Variants in ANGPTL7 observed in about 807,000 individuals in gnomAD.
The protein encoded by ANGPTL7 is angiopoietin-related protein 7.
A neutral mutation model predicts 38.8 loss-of-function variants in ANGPTL7; 37 were observed. That is an observed-to-expected ratio of 0.95 (90% CI 0.73 to 1.25). The LOEUF (loss-of-function observed/expected upper bound fraction) is 1.25, where lower values mean the gene tolerates loss of function less well. ANGPTL7 is among the 50% of genes most tolerant of loss of function. The pLI, the probability that ANGPTL7 is intolerant of heterozygous loss-of-function variation, is 0.00. For synonymous variants in ANGPTL7, 166 were observed against 163.2 expected (o/e 1.02, Z -0.13); for missense variants, 427 against 438.6 (o/e 0.97, Z 0.24).
chr1:11,193,894 T>C, intron 3 of ANGPTL7, 120 bp downstream of exon 3: 1 of 1,088,148 alleles, frequency 9.2e-7, no homozygotes, highest in East Asian at 2.6e-5. Flanking sequence ...ATTGTGATGG[T>C]TTTCCTGCAA....
At position 11,194,468 on chromosome 1, in the gene ANGPTL7, AG is replaced by A; in HGVS notation, c.683del (p.Gly228AlafsTer110). 2 of 1,613,896 alleles carry A rather than the reference AG, an allele frequency of 1.2e-6. No individual in the cohort carries two copies. Among genetic ancestry groups the A allele is most frequent in the Non-Finnish European group, 1.7e-6 (2 of 1,179,994 alleles). ...TRLRVEMEDWEGNLRYAEYSH... is the reference protein window; with the variant it reads ...TRLRVEMEDWXGNLRYAEYSH... ...CTCTGCTCCTCCTGACAGGACTGGG[AG>A]GGCAACCTGCGCTACGCTGAGTATA... On this transcript the variant is annotated frameshift_variant, in exon 4 of 5. Coordinates refer to ENST00000376819, the MANE Select transcript of ANGPTL7 (RefSeq NM_021146.4). LOFTEE classifies it high-confidence loss of function.
At position 11,189,878 on chromosome 1, in the gene ANGPTL7, G is replaced by A. The variant is rs143359087; in HGVS notation, c.299G>A (p.Ser100Asn). Residue 100 changes from serine to asparagine, a missense_variant, in exon 1 of 5, where the codon AGC becomes AAC. By Grantham distance (46) the Ser-to-Asn change is conservative. Transcript: ENST00000376819. ...GAGTCGCGGCTCACAGATGCTGAGA[G>A]CAAGTACTCCGAGATGAACAACCAA... ...RMESRLTDAE[S>N]KYSEMNNQID... 1.2e-6 allele frequency: 2 copies of A among 1,614,194 alleles called. No homozygotes were observed. The highest frequency in any genetic ancestry group is 1.7e-6 in the Non-Finnish European group (2 of 1,180,028).
At chr1:11,194,722 G>A in intron 4 of ANGPTL7, 63 bp downstream of exon 4, 1 of 1,609,324 alleles carries the variant, frequency 6.2e-7, no homozygotes, top group Admixed American at 1.7e-5. Context: ...CACTTGAGGA[G>A]AAAGAGTGAA....
At position 11,189,612 on chromosome 1, in the gene ANGPTL7, G is replaced by GC; in HGVS notation, c.34dup (p.Leu12ProfsTer20). The GC allele has an allele frequency of 6.2e-7, 1 of 1,613,490 alleles. No homozygotes were observed. On this transcript the variant is annotated frameshift_variant, in exon 1 of 5. Transcript: ENST00000376819. LOFTEE classifies it high-confidence loss of function. ...AAAAGCCTCTCTCAGCTGTGACCTG[G>GC]CTCTGCATTTTCATCGTGGCCTTTG... is the stretch of plus-strand genomic sequence containing the variant.
At position 11,192,258 on chromosome 1, in the gene ANGPTL7, G is replaced by T; in HGVS notation, c.377-12G>T. 3 of 1,600,620 alleles carry T rather than the reference G, an allele frequency of 1.9e-6. No individual in the cohort carries two copies. Among genetic ancestry groups the T allele is most frequent in the South Asian group, 2.2e-5 (2 of 90,764 alleles). On this transcript the variant is annotated splice_polypyrimidine_tract_variant and intron_variant, in intron 1 of 4. Coordinates refer to ENST00000376819, the MANE Select transcript of ANGPTL7 (RefSeq NM_021146.4). ...GGTCTAAATGCTCACCCTGTGGTTT[G>T]TTCTCTTGTAGATGCCATCTACGAC...
intron 3 of ANGPTL7, 63 bp from the exon 4 acceptor site, chr1:11,194,398 G>T (rs1645692148): frequency 6.7e-7 from 1 of 1,492,128 alleles, no homozygotes; most frequent in African/African-American, 1.4e-5. Context: ...GAGAGAAGGG[G>T]TATAGAGACA....
intron 2 of ANGPTL7, 135 bp from the exon 3 acceptor site, chr1:11,193,445 G>A (rs958142489): frequency 1.3e-5 from 10 of 753,248 alleles, no homozygotes; most frequent in African/African-American, 1.8e-5. Flanking sequence ...ATCACTGCCC[G>A]AGTGAGCCAG....
chr1:11,195,726 G>T lies in ANGPTL7; in HGVS notation c.*703G>T, dbSNP rs140746133. 6.6e-6 allele frequency: 1 copy of T among 152,612 alleles called. No homozygotes were observed. The allele number at this position is 152,612 out of a possible 1,614,324, so 9.5% of individuals were successfully genotyped here. Reference sequence around the variant, plus strand: ...GTGGACAGAGTCTCTCATGGATGCCGGCACAAAACTGCCTTAAAATATTCA... The same window carrying T: ...GTGGACAGAGTCTCTCATGGATGCCTGCACAAAACTGCCTTAAAATATTCA... On this transcript the variant is annotated 3_prime_UTR_variant, in exon 5 of 5. Coordinates refer to ENST00000376819, the MANE Select transcript of ANGPTL7 (RefSeq NM_021146.4).
Position 11,189,593 on chromosome 1 carries a change from C to A in ANGPTL7, c.14C>A (p.Pro5His), listed in dbSNP as rs991214760. 2 of 1,603,474 alleles carry A rather than the reference C, an allele frequency of 1.2e-6. No homozygotes were observed. The highest frequency in any genetic ancestry group is 1.1e-5 in the South Asian group (1 of 89,938). Residue 5 changes from proline (P) to histidine (H), a missense_variant, in exon 1 of 5, where the codon CCT becomes CAT. Physicochemically the swap from Pro to His is moderately conservative, Grantham distance 77. Transcript: ENST00000376819. ...AACCCACAAAAGATGCTGAAAAAGC[C>A]TCTCTCAGCTGTGACCTGGCTCTGC... Reference protein sequence around the residue: MLKKPLSAVTWLCIF... With the variant: MLKKHLSAVTWLCIF...
Position 11,194,855 on chromosome 1 carries a change from T to C in ANGPTL7, c.873T>C (p.Gly291=). The C allele has an allele frequency of 6.2e-7, 1 of 1,613,962 alleles. No individual in the cohort carries two copies. The highest frequency in any genetic ancestry group is 8.5e-7 in the Non-Finnish European group (1 of 1,179,912). ...CLDKCAQLRK[G]GYWYNCCTDS... ...CACTGGGTCTGTTTCTCATGCCAGG[T>C]GGCTACTGGTACAACTGCTGCACAG... Residue 291 remains glycine (G), a splice_region_variant and synonymous_variant, in exon 5 of 5, where the codon GGT becomes GGC. Transcript: ENST00000376819.
rs1221494516 is a variant in ANGPTL7, at chr1:11,194,584, C to G, written c.796C>G (p.His266Asp). Residue 266 changes from histidine (H) to aspartate (D), a missense_variant, in exon 4 of 5, where the codon CAT becomes GAT. Physicochemically the swap from His to Asp is moderately conservative, Grantham distance 81. Coordinates refer to ENST00000376819, the MANE Select transcript of ANGPTL7 (RefSeq NM_021146.4). ...GNVGNDALQY[H>D]NNTAFSTKDK... ...TGTGGGGAACGACGCCCTCCAGTAT[C>G]ATAACAACACAGCCTTCAGCACCAA... is the stretch of plus-strand genomic sequence containing the variant. The G allele has an allele frequency of 4.3e-6, 7 of 1,614,174 alleles. No individual in the cohort carries two copies. The highest frequency in any genetic ancestry group is 1.7e-6 in the Non-Finnish European group (2 of 1,180,032).
chr1:11,192,398 C>A, intron 2 of ANGPTL7, 28 bp downstream of exon 2: 1 of 1,531,554 alleles, frequency 6.5e-7, no homozygotes, highest in Non-Finnish European at 9.0e-7. Flanking sequence ...ACTGGCCATG[C>A]CCTAATACCT....
In ANGPTL7 at chr1:11,194,854, G is replaced by C; in HGVS notation, c.872G>C (p.Gly291Ala). 11 of 1,613,938 alleles carry C rather than the reference G, an allele frequency of 6.8e-6. No homozygotes were observed. Among genetic ancestry groups the C allele is most frequent in the Non-Finnish European group, 9.3e-6 (11 of 1,179,914 alleles). ...CLDKCAQLRK[G>A]GYWYNCCTDS... ...GCACTGGGTCTGTTTCTCATGCCAG[G>C]TGGCTACTGGTACAACTGCTGCACA... The change falls in exon 5 of 5, where the codon GGT becomes GCT. Residue 291 changes from glycine to alanine, a missense_variant and splice_region_variant. Coordinates refer to ENST00000376819, the MANE Select transcript of ANGPTL7 (RefSeq NM_021146.4).
Position 11,189,945 on chromosome 1 carries a change from G to A in ANGPTL7, c.366G>A (p.Gln122=). 1 of 1,609,034 alleles carries A rather than the reference G, an allele frequency of 6.2e-7. No individual in the cohort carries two copies. Among genetic ancestry groups the A allele is most frequent in the Non-Finnish European group, 8.5e-7 (1 of 1,177,658 alleles). The part of the protein sequence containing the change: ...MQLQAAQTVT[Q]TSADAIYDCS... ...TGCAGGCAGCACAGACGGTCACTCA[G>A]ACCTCCGCAGGTAAGGAGACCAGTC... The change falls in exon 1 of 5, where the codon CAG becomes CAA. Residue 122 remains glutamine, a synonymous_variant. Transcript: ENST00000376819.
In ANGPTL7 at chr1:11,195,424, C is replaced by G. The variant is rs1407610593; in HGVS notation, c.*401C>G. On this transcript the variant is annotated 3_prime_UTR_variant, in exon 5 of 5. Coordinates refer to ENST00000376819, the MANE Select transcript of ANGPTL7 (RefSeq NM_021146.4). The stretch of plus-strand genomic sequence containing the variant: ...CACAAATCCCTTTGCTAAAAAGAAC[C>G]ATATTATTTTGATTCTCAAAGGATA... 6.1e-6 allele frequency: 1 copy of G among 163,890 alleles called. No homozygotes were observed. The highest frequency in any genetic ancestry group is 1.3e-5 in the Non-Finnish European group (1 of 75,170). The allele number at this position is 163,890 out of a possible 1,614,324, so 10.2% of individuals were successfully genotyped here.
intron 2 of ANGPTL7, among the ~76,000 whole-genome samples, chr1:11,192,748 TAAAAAAAAA>T (rs56996673): frequency 3.4e-5 from 4 of 119,236 alleles, no homozygotes; most frequent in East Asian, 2.4e-4. Flanking sequence ...CCATTTCAAT[TAAAAAAAAA>T]AAAAAAAAAA....
chr1:11,189,890 A>G lies in ANGPTL7; in HGVS notation c.311A>G (p.Glu104Gly). 6.2e-7 allele frequency: 1 copy of G among 1,614,130 alleles called. No homozygotes were observed. Among genetic ancestry groups the G allele is most frequent in the Non-Finnish European group, 8.5e-7 (1 of 1,180,026 alleles). ...ACAGATGCTGAGAGCAAGTACTCCG[A>G]GATGAACAACCAAATTGACATCATG... ...RLTDAESKYSEMNNQIDIMQL... is the reference protein window; with the variant it reads ...RLTDAESKYSGMNNQIDIMQL... The change falls in exon 1 of 5, where the codon GAG becomes GGG. Residue 104 changes from glutamate (E) to glycine (G), a missense_variant. By Grantham distance (98) the Glu-to-Gly change is moderately conservative. Coordinates refer to ENST00000376819, the MANE Select transcript of ANGPTL7 (RefSeq NM_021146.4).
At position 11,192,281 on chromosome 1, in the gene ANGPTL7, G is replaced by A. The variant is rs749392422; in HGVS notation, c.388G>A (p.Asp130Asn). The change falls in exon 2 of 5, where the codon GAC becomes AAC. Residue 130 changes from aspartate (D) to asparagine (N), a missense_variant. Physicochemically the swap from Asp to Asn is conservative, Grantham distance 23 (BLOSUM62 1). Transcript: ENST00000376819. The stretch of plus-strand genomic sequence containing the variant: ...TTGTTCTCTTGTAGATGCCATCTAC[G>A]ACTGCTCTTCCCTCTACCAGAAGAA... ...VTQTSADAIY[D>N]CSSLYQKNYR... is the part of the protein sequence containing the mutation. The A allele has an allele frequency of 1.9e-5, 31 of 1,613,182 alleles. No individual in the cohort carries two copies. The East Asian group carries it at 4.5e-4, about 23-fold the overall frequency.
chr1:11,191,884 G>A (rs1645548143), intron 1 of ANGPTL7, among the ~76,000 whole-genome samples: 1 of 152,198 alleles, frequency 6.6e-6, no homozygotes, highest in African/African-American at 2.4e-5. Flanking sequence ...CGACTGATTT[G>A]TTATAGTGGC....
Sources: allele counts gnomAD v4.1 joint callset (sites outside exome capture counted in the v4.1 genomes callset), GRCh38; gene constraint gnomAD v4.1.1; transcripts MANE v1.5; gene names NCBI Gene and HGNC (gene_info 2026-07-23, HGNC 2026-07-21).